The following ARHGAP24 variants were observed in gnomAD, a reference collection of about 807,000 sequenced individuals.
ARHGAP24 encodes Rho GTPase activating protein 24.
A neutral mutation model predicts 76.4 loss-of-function variants in ARHGAP24; 50 were observed. That is an observed-to-expected ratio of 0.65 (90% CI 0.52 to 0.83). The LOEUF (loss-of-function observed/expected upper bound fraction) is 0.83, where lower values mean the gene tolerates loss of function less well. Ranked by LOEUF, ARHGAP24 falls within the 40% of genes least tolerant of loss-of-function variation. ARHGAP24 has a pLI of 0.00. For synonymous variants in ARHGAP24, 345 were observed against 323.3 expected (o/e 1.07, Z -0.72); for missense variants, 930 against 914.2 (o/e 1.02, Z -0.22).
chr4:85,478,659 C>T (rs191201122), intron 1 of ARHGAP24, among the ~76,000 whole-genome samples: 1 of 152,314 alleles, frequency 6.6e-6, no homozygotes, highest in African/African-American at 2.4e-5. Context: ...AAAAGCTCTT[C>T]CAAGCCCTTT....
chr4:85,885,843 T>C (rs1289650682), intron 3 of ARHGAP24, among the ~76,000 whole-genome samples: 1 of 152,176 alleles, frequency 6.6e-6, no homozygotes, highest in Admixed American at 6.5e-5. Context: ...TGGTAGATTA[T>C]GTTGGTTGAT....
intron 6 of ARHGAP24, among the ~76,000 whole-genome samples, chr4:85,973,842 T>TG (rs1739146307): frequency 5.0e-5 from 4 of 80,568 alleles, no homozygotes; most frequent in South Asian, 6.3e-4. Flanking sequence ...TGTTTTTTTT[T>TG]TTTTTTTTTT....
At chr4:85,784,951 CTA>C (rs1560631981) in intron 3 of ARHGAP24, among the ~76,000 whole-genome samples, 99 of 147,586 alleles carry the variant, frequency 6.7e-4, no homozygotes, top group Middle Eastern at 3.5e-3. Context: ...ATCTATCTAT[CTA>C]TCTATCTCTC....
chr4:85,868,311 T>C (rs1221988781), intron 3 of ARHGAP24, among the ~76,000 whole-genome samples: 1 of 152,134 alleles, frequency 6.6e-6, no homozygotes, highest in African/African-American at 2.4e-5. Context: ...TGAAGTCTCA[T>C]AGGTGGCCCC....
intron 1 of ARHGAP24, among the ~76,000 whole-genome samples, chr4:85,557,378 G>A (rs1726427591): frequency 6.6e-6 from 1 of 152,214 alleles, no homozygotes; most frequent in Non-Finnish European, 1.5e-5. Flanking sequence ...GTGTGCTTGA[G>A]CAGGGCTCTG....
chr4:85,508,532 A>G (rs978123672), intron 1 of ARHGAP24, among the ~76,000 whole-genome samples: 11 of 152,204 alleles, frequency 7.2e-5, no homozygotes, highest in Non-Finnish European at 7.3e-5. Context: ...TCCAGCCAAA[A>G]GAGAAACACA....
chr4:85,722,103 C>T (rs926047932), intron 3 of ARHGAP24, 131 bp downstream of exon 3: 25 of 808,356 alleles, frequency 3.1e-5, no homozygotes, highest in South Asian at 2.8e-4. Flanking sequence ...TTAGTGTTGA[C>T]GCAGATAATG....
At chr4:85,812,021 C>T (rs1428362023) in intron 3 of ARHGAP24, among the ~76,000 whole-genome samples, 1 of 151,912 alleles carries the variant, frequency 6.6e-6, no homozygotes, top group Non-Finnish European at 1.5e-5. Flanking sequence ...ACTAAAAATA[C>T]AAAAATTAGC....
At chr4:85,782,279 G>A (rs1265956436) in intron 3 of ARHGAP24, among the ~76,000 whole-genome samples, 1 of 151,986 alleles carries the variant, frequency 6.6e-6, no homozygotes, top group South Asian at 2.1e-4. Context: ...TACCTAAATA[G>A]GAAATTCGAC....
intron 2 of ARHGAP24, among the ~76,000 whole-genome samples, chr4:85,584,155 T>C (rs923392045): frequency 5.3e-5 from 8 of 151,870 alleles, no homozygotes; most frequent in East Asian, 2.0e-4. Flanking sequence ...ATGTTTATTG[T>C]GGCACTATTC....
intron 2 of ARHGAP24, among the ~76,000 whole-genome samples, chr4:85,596,558 G>A (rs1053380529): frequency 6.8e-6 from 1 of 146,132 alleles, no homozygotes; most frequent in Admixed American, 7.0e-5. Flanking sequence ...AGATGCCAGT[G>A]GTTATGAAAA....
intron 2 of ARHGAP24, among the ~76,000 whole-genome samples, chr4:85,661,671 C>A (rs1484698653): frequency 1.3e-5 from 2 of 151,874 alleles, no homozygotes; most frequent in Non-Finnish European, 2.9e-5. Flanking sequence ...TCCCCCCTTC[C>A]CCCACCCCAC....
At chr4:85,486,834 C>G (rs1723067503) in intron 1 of ARHGAP24, among the ~76,000 whole-genome samples, 1 of 151,944 alleles carries the variant, frequency 6.6e-6, no homozygotes, top group Non-Finnish European at 1.5e-5. Flanking sequence ...ATTTCATTCC[C>G]TGTGATAAGA....
chr4:85,906,342 A>T (rs963728522), intron 3 of ARHGAP24, among the ~76,000 whole-genome samples: 11 of 152,172 alleles, frequency 7.2e-5, no homozygotes, highest in African/African-American at 2.2e-4. Flanking sequence ...AACTGGGTTG[A>T]GAAAGAAGGT....
chr4:85,771,713 C>T (rs1227346866), intron 3 of ARHGAP24, among the ~76,000 whole-genome samples: 1 of 151,830 alleles, frequency 6.6e-6, no homozygotes, highest in African/African-American at 2.4e-5. Context: ...TGTTTTTGTC[C>T]TTGTTTTGTT....
At chr4:85,822,950 G>A (rs1317092948) in intron 3 of ARHGAP24, among the ~76,000 whole-genome samples, 4 of 152,108 alleles carry the variant, frequency 2.6e-5, no homozygotes, top group African/African-American at 9.7e-5. Flanking sequence ...TTTTAATGCA[G>A]ATGATGAGAG....
At chr4:85,956,997 G>T (rs182961) in intron 5 of ARHGAP24, among the ~76,000 whole-genome samples, 54,132 of 152,012 alleles carry the variant, frequency 0.36, 9,826 homozygotes, top group East Asian at 0.53. Context: ...GCTCTCAGGC[G>T]GTAGATGATT....
intron 2 of ARHGAP24, among the ~76,000 whole-genome samples, chr4:85,663,644 TG>T (rs1193256303): frequency 6.6e-6 from 1 of 151,184 alleles, no homozygotes; most frequent in Non-Finnish European, 1.5e-5. Flanking sequence ...AGTATGATAT[TG>T]GCTGTGGGTT....
chr4:85,674,545 T>G (rs896266541), intron 2 of ARHGAP24, among the ~76,000 whole-genome samples: 4 of 152,234 alleles, frequency 2.6e-5, no homozygotes, highest in Non-Finnish European at 2.9e-5. Flanking sequence ...TAAGTCAATT[T>G]GCATTTGCAG....
Sources: allele counts gnomAD v4.1 joint callset (sites outside exome capture counted in the v4.1 genomes callset), GRCh38; gene constraint gnomAD v4.1.1; transcripts MANE v1.5; gene names NCBI Gene and HGNC (gene_info 2026-07-23, HGNC 2026-07-21).